The following LRP1 variants were observed in gnomAD, a reference collection of about 807,000 sequenced individuals.
LRP1 encodes LDL receptor related protein 1, also known as prolow-density lipoprotein receptor-related protein 1.
In LRP1, 51 loss-of-function variants were observed where a neutral mutation model predicts 541.5. That is an observed-to-expected ratio of 0.09 (90% CI 0.08 to 0.12). LRP1 has a LOEUF of 0.12. Ranked by LOEUF, LRP1 falls within the 10% of genes least tolerant of loss-of-function variation. The probability of loss-of-function intolerance (pLI) is 1.00; values close to 1 mark genes in which losing one functional copy is unlikely to be tolerated. For missense variants in LRP1, 3,878 were observed against 6,376.2 expected (o/e 0.61, Z 13.34); for synonymous variants, 2,219 against 2,470.8 (o/e 0.90, Z 3.02).
intron 44 of LRP1, among the ~76,000 whole-genome samples, chr12:57,191,854 C>CAGG: frequency 2.7e-5 from 1 of 36,794 alleles, no homozygotes; most frequent in South Asian, 9.7e-4. Flanking sequence ...ACACACCACA[C>CAGG]ACCACATACA....
chr12:57,208,226 G>A lies in LRP1; in HGVS notation c.12038+10G>A. 1 of 1,611,276 alleles carries A rather than the reference G, an allele frequency of 6.2e-7. No homozygotes were observed. Among genetic ancestry groups the A allele is most frequent in the Non-Finnish European group, 8.5e-7 (1 of 1,178,698 alleles). ...TGGACCCACTGAGGGGGTGGGCAAGGGCCCTGGGGGGAGGCCTCTGGGCTG... is the reference window on the plus strand; with the variant it reads ...TGGACCCACTGAGGGGGTGGGCAAGAGCCCTGGGGGGAGGCCTCTGGGCTG... On this transcript the variant is annotated intron_variant, in intron 77 of 88. Coordinates refer to ENST00000243077, the MANE Select transcript of LRP1 (RefSeq NM_002332.3).
Position 57,202,430 on chromosome 12 carries a change from C to A in LRP1, c.10604C>A (p.Thr3535Asn). Reference sequence around the variant, plus strand: ...CACTTGCCTCCTCCAGATGAACGCACCTGTGAGCCATACCAGTTCCGCTGC... The same window carrying A: ...CACTTGCCTCCTCCAGATGAACGCAACTGTGAGCCATACCAGTTCCGCTGC... ...DEPKEECDER[T>N]CEPYQFRCKN... The change falls in exon 68 of 89, where the codon ACC (threonine) becomes AAC (asparagine). Residue 3535 changes from threonine to asparagine, a missense_variant. This residue lies in a region of LRP1 where 278 missense variants were observed against 536.3 expected (regional missense o/e 0.52). Transcript: ENST00000243077. 1 of 1,612,916 alleles carries A rather than the reference C, an allele frequency of 6.2e-7. No homozygotes were observed. The highest frequency in any genetic ancestry group is 8.5e-7 in the Non-Finnish European group (1 of 1,179,404).
Position 57,197,485 on chromosome 12 carries a change from T to A in LRP1, c.9163-60T>A. The A allele has an allele frequency of 6.2e-7, 1 of 1,613,578 alleles. No homozygotes were observed. The highest frequency in any genetic ancestry group is 8.5e-7 in the Non-Finnish European group (1 of 1,179,712). On this transcript the variant is annotated intron_variant, in intron 57 of 88. Transcript: ENST00000243077. The surrounding 1 kb of genome is among the most constrained non-coding windows in gnomAD (Gnocchi z 4.5). The stretch of plus-strand genomic sequence containing the variant: ...TAGGTCCAACCATCCCTCCCCCAGA[T>A]GCAAATGTGGCCCCTGTTGCCACAA...
At position 57,162,374 on chromosome 12, in the gene LRP1, T is replaced by C. The variant is rs1349980003; in HGVS notation, c.2260T>C (p.Tyr754His). The C allele has an allele frequency of 6.2e-7, 1 of 1,614,210 alleles. No individual in the cohort carries two copies. Among genetic ancestry groups the C allele is most frequent in the African/African-American group, 1.3e-5 (1 of 75,052 alleles). ...CTTTGGCCTGTGTCACCATGGCAAC[T>C]ACCTCTTCTGGACTGAGTATCGGAG... The part of the protein sequence containing the change: ...HAFGLCHHGN[Y>H]LFWTEYRSGS... Residue 754 changes from tyrosine to histidine, a missense_variant, in exon 14 of 89, where the codon TAC becomes CAC. Around this residue, in one of 13 missense-constraint regions of LRP1, gnomAD observed 496 missense variants for 861.0 expected, o/e 0.58. Transcript: ENST00000243077. This position sits in a 1 kb window ranked among gnomAD's most constrained non-coding sequence, Gnocchi z 5.2.
At position 57,180,035 on chromosome 12, in the gene LRP1, C is replaced by A. The variant is rs773828994; in HGVS notation, c.5142-12C>A. 10 of 1,613,550 alleles carry A rather than the reference C, an allele frequency of 6.2e-6. No homozygotes were observed. Among genetic ancestry groups the A allele is most frequent in the African/African-American group, 1.3e-5 (1 of 74,908 alleles). ...GGACCCTGACCTTTCCCTCTTGGCA[C>A]CCTCCCCCCAGGAAGCTCTACTGGA... On this transcript the variant is annotated splice_polypyrimidine_tract_variant and intron_variant, in intron 30 of 88. Transcript: ENST00000243077.
In LRP1 at chr12:57,177,464, C is replaced by G; in HGVS notation, c.4234C>G (p.Arg1412Gly). The change falls in exon 26 of 89, where the codon CGC (arginine) becomes GGC (glycine). Residue 1412 changes from arginine to glycine, a missense_variant. Arg to Gly is a moderately radical substitution (Grantham distance 125, BLOSUM62 -2). Transcript: ENST00000243077. This position sits in a 1 kb window ranked among gnomAD's most constrained non-coding sequence, Gnocchi z 6.8. ...FWTDWDASLP[R>G]IEAASMSGAG... ...GACAGACTGGGATGCCAGCCTGCCC[C>G]GCATTGAGGCAGCCTCCATGAGTGG... 2 of 1,609,200 alleles carry G rather than the reference C, an allele frequency of 1.2e-6. No homozygotes were observed. Among genetic ancestry groups the G allele is most frequent in the Non-Finnish European group, 1.7e-6 (2 of 1,177,590 alleles).
chr12:57,154,483 G>C lies in LRP1; in HGVS notation c.1009G>C (p.Val337Leu). Residue 337 changes from valine (V) to leucine (L), a missense_variant, in exon 8 of 89, where the codon GTG becomes CTG. Val to Leu is a conservative substitution (Grantham distance 32). Coordinates refer to ENST00000243077, the MANE Select transcript of LRP1 (RefSeq NM_002332.3). The surrounding 1 kb of genome is among the most constrained non-coding windows in gnomAD (Gnocchi z 4.6). ...TTAACATGCATCTTCCCACAGGAAGGTGTTTTTCACTGACTATGGGCAGAT... is the reference window on the plus strand; with the variant it reads ...TTAACATGCATCTTCCCACAGGAAGCTGTTTTTCACTGACTATGGGCAGAT... ...GIALDPAMGK[V>L]FFTDYGQIPK... 6.2e-7 allele frequency: 1 copy of C among 1,612,730 alleles called. No homozygotes were observed. The highest frequency in any genetic ancestry group is 8.5e-7 in the Non-Finnish European group (1 of 1,178,750).
At position 57,197,680 on chromosome 12, in the gene LRP1, C is replaced by T. The variant is rs2036566734; in HGVS notation, c.9282+16C>T. On this transcript the variant is annotated intron_variant, in intron 58 of 88. Transcript: ENST00000243077. This position sits in a 1 kb window ranked among gnomAD's most constrained non-coding sequence, Gnocchi z 4.5. ...CAATGTGCAGGTGAGGCGGGCGGCC[C>T]TCGGCGACCAACACTGGCCCGCCTC... 1.1e-5 allele frequency: 17 copies of T among 1,610,152 alleles called. No individual in the cohort carries two copies. The highest frequency in any genetic ancestry group is 1.4e-5 in the Non-Finnish European group (17 of 1,178,900).
intron 62 of LRP1, 177 bp from the exon 63 acceptor site, chr12:57,200,265 C>A: frequency 1.5e-6 from 1 of 648,782 alleles, no homozygotes; most frequent in East Asian, 2.7e-5. Flanking sequence ...TGCTGCCTTC[C>A]CCACCCTATC....
Position 57,197,713 on chromosome 12 carries a change from T to A in LRP1, c.9282+49T>A. On this transcript the variant is annotated intron_variant, in intron 58 of 88. Coordinates refer to ENST00000243077, the MANE Select transcript of LRP1 (RefSeq NM_002332.3). This position sits in a 1 kb window ranked among gnomAD's most constrained non-coding sequence, Gnocchi z 4.5. ...CCAACACTGGCCCGCCTCAGATGAC[T>A]GTTTTCAGATCGTCTCTCCTTCCCG... 5 of 1,598,502 alleles carry A rather than the reference T, an allele frequency of 3.1e-6. No homozygotes were observed. Among genetic ancestry groups the A allele is most frequent in the Non-Finnish European group, 3.4e-6 (4 of 1,173,320 alleles).
chr12:57,206,485 A>G lies in LRP1; in HGVS notation c.11603A>G (p.Gln3868Arg). 6.2e-7 allele frequency: 1 copy of G among 1,614,078 alleles called. No individual in the cohort carries two copies. The highest frequency in any genetic ancestry group is 1.1e-5 in the South Asian group (1 of 91,084). ...NTCKAEGSEY[Q>R]VLYIADDNEI... ...CTTGCTTCTCCAGGCTCTGAGTACC[A>G]GGTCCTGTACATCGCTGATGACAAT... Residue 3868 changes from glutamine to arginine, a missense_variant, in exon 76 of 89, where the codon CAG (glutamine) becomes CGG (arginine). Coordinates refer to ENST00000243077, the MANE Select transcript of LRP1 (RefSeq NM_002332.3). This position sits in a 1 kb window ranked among gnomAD's most constrained non-coding sequence, Gnocchi z 4.7.
rs200948387 is a variant in LRP1, at chr12:57,159,886, C to T, written c.1860C>T (p.Asp620=). ...TGGGAGACAATCTGTACTGGACGGA[C>T]GATGGGCCCAAAAAGACAATCAGCG... ...DWMGDNLYWT[D]DGPKKTISVA... The change falls in exon 12 of 89, where the codon GAC becomes GAT. Residue 620 remains aspartate (D), a synonymous_variant. Coordinates refer to ENST00000243077, the MANE Select transcript of LRP1 (RefSeq NM_002332.3). The T allele has an allele frequency of 1.3e-4, 202 of 1,614,134 alleles. 1 individual carries two copies. The highest frequency in any genetic ancestry group is 4.2e-4 in the Admixed American group (25 of 60,022).
intron 6 of LRP1, among the ~76,000 whole-genome samples, chr12:57,148,754 A>G (rs1004756234): frequency 6.6e-6 from 1 of 152,146 alleles, no homozygotes; most frequent in South Asian, 2.1e-4. Context: ...TGCTGAAGTC[A>G]CTCAGGAGTT....
Position 57,185,913 on chromosome 12 carries a change from G to T in LRP1, c.6841+5G>T, listed in dbSNP as rs762478610. ...GGAGGATCACCATTGTGGAAAGTGA[G>T]CCCAGACCCTAAGTCTTCCCAGGAA... On this transcript the variant is annotated splice_donor_5th_base_variant and intron_variant, in intron 41 of 88. Coordinates refer to ENST00000243077, the MANE Select transcript of LRP1 (RefSeq NM_002332.3). The surrounding 1 kb of genome is among the most constrained non-coding windows in gnomAD (Gnocchi z 4.9). 6.2e-7 allele frequency: 1 copy of T among 1,609,684 alleles called. No individual in the cohort carries two copies.
chr12:57,162,590 T>A lies in LRP1; in HGVS notation c.2404+72T>A, dbSNP rs1303725779. ...GGGACTTAGGCATTGATTTGAGACT[T>A]CCCTGGGAGTGAAGGCACTTCCCAG... On this transcript the variant is annotated intron_variant, in intron 14 of 88. Transcript: ENST00000243077. This position sits in a 1 kb window ranked among gnomAD's most constrained non-coding sequence, Gnocchi z 5.2. 6 of 1,548,422 alleles carry A rather than the reference T, an allele frequency of 3.9e-6. No homozygotes were observed. The East Asian group carries it at 1.4e-4, about 35-fold the overall frequency.
In LRP1 at chr12:57,212,485, C is replaced by A. The variant is rs1275097222; in HGVS notation, c.13565C>A (p.Ala4522Asp). The A allele has an allele frequency of 6.2e-7, 1 of 1,614,066 alleles. No homozygotes were observed. The highest frequency in any genetic ancestry group is 8.5e-7 in the Non-Finnish European group (1 of 1,179,984). Reference sequence around the variant, plus strand: ...GGCCATGGCAGTCGCCACTCCCTGGCCAGCACGGACGAGAAGCGAGAACTC... The same window carrying A: ...GGCCATGGCAGTCGCCACTCCCTGGACAGCACGGACGAGAAGCGAGAACTC... ...MGGHGSRHSL[A>D]STDEKRELLG... The change falls in exon 89 of 89, where the codon GCC becomes GAC. Residue 4522 changes from alanine (A) to aspartate (D), a missense_variant. Around this residue, in one of 13 missense-constraint regions of LRP1, gnomAD observed 871 missense variants for 1,212.4 expected, o/e 0.72. Transcript: ENST00000243077. This position sits in a 1 kb window ranked among gnomAD's most constrained non-coding sequence, Gnocchi z 5.0.
In LRP1 at chr12:57,128,522, T is replaced by C. The variant is rs2034961352; in HGVS notation, c.-443T>C. The C allele has an allele frequency of 6.3e-6, 1 of 158,758 alleles. No homozygotes were observed. The highest frequency in any genetic ancestry group is 1.3e-5 in the Non-Finnish European group (1 of 76,876). The allele number at this position is 158,758 out of a possible 1,614,324, so 9.8% of individuals were successfully genotyped here. On this transcript the variant is annotated 5_prime_UTR_variant, in exon 1 of 89. It removes an upstream start codon present in the reference 5' UTR. Transcript: ENST00000243077. The stretch of plus-strand genomic sequence containing the variant: ...AACAGCGGTGCGAGCTCCAGGCCCA[T>C]GCACTGAGGAGGCGGAAACAAGGGG...
In LRP1 at chr12:57,200,037, C is replaced by T. The variant is rs1464522599; in HGVS notation, c.10014+12C>T. On this transcript the variant is annotated intron_variant, in intron 62 of 88. Coordinates refer to ENST00000243077, the MANE Select transcript of LRP1 (RefSeq NM_002332.3). The stretch of plus-strand genomic sequence containing the variant: ...GCACGGCTAGCCAGGTGAGGCTGTC[C>T]CCCAGACCCCATCACCAGTGCCCGC... The T allele has an allele frequency of 6.3e-7, 1 of 1,581,626 alleles. No homozygotes were observed. The highest frequency in any genetic ancestry group is 8.5e-7 in the Non-Finnish European group (1 of 1,169,848).
In LRP1 at chr12:57,197,474, C is replaced by T; in HGVS notation, c.9163-71C>T. 1 of 1,612,654 alleles carries T rather than the reference C, an allele frequency of 6.2e-7. No homozygotes were observed. Among genetic ancestry groups the T allele is most frequent in the Non-Finnish European group, 8.5e-7 (1 of 1,178,980 alleles). The stretch of plus-strand genomic sequence containing the variant: ...GTCTCCCCGCTTAGGTCCAACCATC[C>T]CTCCCCCAGATGCAAATGTGGCCCC... On this transcript the variant is annotated intron_variant, in intron 57 of 88. Transcript: ENST00000243077. This position sits in a 1 kb window ranked among gnomAD's most constrained non-coding sequence, Gnocchi z 4.5.
Sources: allele counts gnomAD v4.1 joint callset (sites outside exome capture counted in the v4.1 genomes callset), GRCh38; gene constraint gnomAD v4.1.1; regional missense constraint gnomAD v4.1.1; non-coding constraint Gnocchi (gnomAD v3.1); transcripts MANE v1.5; gene names NCBI Gene and HGNC (gene_info 2026-07-23, HGNC 2026-07-21).